Variants in GUCY1A2 observed in about 807,000 individuals in gnomAD.
The protein encoded by GUCY1A2 is guanylate cyclase 1 soluble subunit alpha 2.
Under a neutral mutation model 63.5 loss-of-function variants are expected in GUCY1A2, and 27 were observed. The ratio of observed to expected loss-of-function variants is 0.43; its 90% CI spans 0.31 to 0.59. The LOEUF is 0.59. GUCY1A2 is among the 20% of genes least tolerant of loss of function. The pLI, the probability that GUCY1A2 is intolerant of heterozygous loss-of-function variation, is 0.11. For synonymous variants in GUCY1A2, 364 were observed against 343.5 expected (o/e 1.06, Z -0.66); for missense variants, 768 against 913.3 (o/e 0.84, Z 2.05).
rs1863511082 is a variant in GUCY1A2 at position 106,731,830 on chromosome 11, A to T, written c.1837-23164T>A. The stretch of plus-strand genomic sequence containing the variant: ...ATAAATAAACTACCTACTTAGGAAT[A>T]CAATTAACCATGGAGGTAAAAGATC... On this transcript the variant is annotated intron_variant, in intron 6 of 7. Transcript: ENST00000526355. 2.0e-5 allele frequency among the ~76,000 whole-genome samples: 3 copies of T among 152,126 alleles called. No individual in the cohort carries two copies. In the South Asian group the frequency reaches 6.2e-4, roughly 31 times the overall value.
intron 7 of GUCY1A2, among the ~76,000 whole-genome samples, chr11:106,705,539 A>G (rs1862892943): frequency 6.6e-6 from 1 of 152,160 alleles, no homozygotes. Context: ...TTGTTCATGG[A>G]TACATATGTA....
chr11:106,720,584 C>T (rs1863299847), intron 6 of GUCY1A2, among the ~76,000 whole-genome samples: 1 of 151,826 alleles, frequency 6.6e-6, no homozygotes, highest in Non-Finnish European at 1.5e-5. Context: ...TATACAAACC[C>T]CTATAAAACT....
chr11:106,714,242 G>C (rs767597559), intron 6 of GUCY1A2, among the ~76,000 whole-genome samples: 1 of 151,842 alleles, frequency 6.6e-6, no homozygotes, highest in African/African-American at 2.4e-5. Flanking sequence ...AAAAAGTCTT[G>C]TCTCTTAGAA....
At position 106,810,403 on chromosome 11, in the gene GUCY1A2, C is replaced by G. The variant is rs1206501813; in HGVS notation, c.1282G>C (p.Asp428His). The G allele has an allele frequency of 6.2e-7, 1 of 1,613,424 alleles. No homozygotes were observed. The change falls in exon 5 of 8, where the codon GAC becomes CAC. Residue 428 changes from aspartate to histidine, a missense_variant. Asp to His is a moderately conservative substitution (Grantham distance 81, BLOSUM62 -1). Transcript: ENST00000526355. ...CGGCCCATGAGTTCATCCAACTTGT[C>G]CACACATGGAGAGCCCAAAAATAAA... ...SILFLGSPCVDKLDELMGRGL... is the reference protein window; with the variant it reads ...SILFLGSPCVHKLDELMGRGL...
intron 4 of GUCY1A2, among the ~76,000 whole-genome samples, chr11:106,819,243 T>C (rs1858869749): frequency 6.6e-6 from 1 of 152,140 alleles, no homozygotes; most frequent in Admixed American, 6.6e-5. Flanking sequence ...GTGAACACTG[T>C]TGAAATGACA....
chr11:106,879,056 T>C (rs553785521), intron 4 of GUCY1A2, among the ~76,000 whole-genome samples: 17 of 152,144 alleles, frequency 1.1e-4, no homozygotes, highest in African/African-American at 3.1e-4. Context: ...AAGGCTTCTA[T>C]GACCTATTCC....
chr11:106,876,474 A>T (rs1195906467), intron 4 of GUCY1A2, among the ~76,000 whole-genome samples: 1 of 152,112 alleles, frequency 6.6e-6, no homozygotes, highest in Non-Finnish European at 1.5e-5. Flanking sequence ...ACATACGTAA[A>T]TAACTATGCA....
intron 3 of GUCY1A2, among the ~76,000 whole-genome samples, chr11:106,944,441 T>C (rs138595899): frequency 6.6e-6 from 1 of 151,888 alleles, no homozygotes; most frequent in Non-Finnish European, 1.5e-5. Context: ...AGTGAGACCT[T>C]GTACTGAAAA....
chr11:106,833,328 C>G (rs1014238677), intron 4 of GUCY1A2, among the ~76,000 whole-genome samples: 1 of 152,028 alleles, frequency 6.6e-6, no homozygotes, highest in African/African-American at 2.4e-5. Flanking sequence ...AAGAGGTACA[C>G]AGTTAACCCA....
intron 6 of GUCY1A2, among the ~76,000 whole-genome samples, chr11:106,709,376 T>C (rs189170460): frequency 1.1e-5 from 1 of 92,014 alleles, no homozygotes; most frequent in African/African-American, 4.4e-5. Context: ...ATATAAATTA[T>C]ATATATTATA....
At chr11:106,841,593 G>C (rs1305568837) in intron 4 of GUCY1A2, among the ~76,000 whole-genome samples, 1 of 151,878 alleles carries the variant, frequency 6.6e-6, no homozygotes, top group East Asian at 1.9e-4. Flanking sequence ...AGTTCTCTGA[G>C]GGAGGGACCA....
intron 6 of GUCY1A2, among the ~76,000 whole-genome samples, chr11:106,710,693 T>C (rs1863101664): frequency 1.3e-5 from 2 of 151,952 alleles, no homozygotes; most frequent in African/African-American, 4.8e-5. Flanking sequence ...AGTTGTTATA[T>C]AATTAAACAC....
intron 5 of GUCY1A2, among the ~76,000 whole-genome samples, chr11:106,783,633 T>A (rs879929): frequency 0.031 from 4,721 of 152,266 alleles, 117 homozygotes; most frequent in African/African-American, 0.065. Context: ...ATCCTTGCCA[T>A]GTGACTGGAA....
At chr11:106,930,937 A>G (rs1363508177) in intron 4 of GUCY1A2, among the ~76,000 whole-genome samples, 1 of 152,256 alleles carries the variant, frequency 6.6e-6, no homozygotes, top group East Asian at 1.9e-4. Context: ...TAAGATATCA[A>G]TAGAAAGGAT....
chr11:106,706,150 A>G, intron 7 of GUCY1A2, among the ~76,000 whole-genome samples: 1 of 152,248 alleles, frequency 6.6e-6, no homozygotes, highest in East Asian at 1.9e-4. Flanking sequence ...TTATCATAAT[A>G]TCAAAACAGT....
chr11:106,776,173 C>G (rs983106347), intron 6 of GUCY1A2, among the ~76,000 whole-genome samples: 4 of 152,244 alleles, frequency 2.6e-5, no homozygotes, highest in Middle Eastern at 6.8e-3. Flanking sequence ...TGGTCACTGA[C>G]AGTAAGTTCT....
At chr11:107,013,358 G>A (rs78992994) in intron 1 of GUCY1A2, among the ~76,000 whole-genome samples, 2,192 of 152,216 alleles carry the variant, frequency 0.014, 50 homozygotes, top group African/African-American at 0.05. Flanking sequence ...AATTGATGTC[G>A]CAGTGATAGG....
chr11:106,918,379 C>CAAAT (rs1860396384), intron 4 of GUCY1A2, among the ~76,000 whole-genome samples: 1 of 145,630 alleles, frequency 6.9e-6, no homozygotes, highest in African/African-American at 2.4e-5. Context: ...TCTTTGAAAG[C>CAAAT]AAATATTTTA....
chr11:106,990,721 C>G (rs1861460425), intron 1 of GUCY1A2, among the ~76,000 whole-genome samples: 1 of 152,198 alleles, frequency 6.6e-6, no homozygotes, highest in Non-Finnish European at 1.5e-5. Flanking sequence ...GATTACACAC[C>G]CAGTAAGTAA....
Sources: allele counts gnomAD v4.1 joint callset (sites outside exome capture counted in the v4.1 genomes callset), GRCh38; gene constraint gnomAD v4.1.1; transcripts MANE v1.5; gene names NCBI Gene and HGNC (gene_info 2026-07-23, HGNC 2026-07-21).